HHAT: variants seen among roughly 807,000 people sequenced by gnomAD.
The protein encoded by HHAT is protein-cysteine N-palmitoyltransferase HHAT.
Under a neutral mutation model 70.8 loss-of-function variants are expected in HHAT, and 47 were observed. That is an observed-to-expected ratio of 0.66 (90% CI 0.53 to 0.85). The LOEUF (loss-of-function observed/expected upper bound fraction) is 0.85. Among genes scored for constraint, HHAT ranks in the 40% least tolerant of loss-of-function variants. HHAT has a pLI of 0.00. For synonymous variants in HHAT, 228 were observed against 247.6 expected (o/e 0.92, Z 0.74); for missense variants, 609 against 604.8 (o/e 1.01, Z -0.07).
chr1:210,672,754 AAAG>A (rs1031768502), intron 11 of HHAT, among the ~76,000 whole-genome samples: 26 of 152,242 alleles, frequency 1.7e-4, no homozygotes, highest in African/African-American at 5.5e-4. Flanking sequence ...AATTTTAAAA[AAAG>A]AAGAAAAAGA....
intron 9 of HHAT, among the ~76,000 whole-genome samples, chr1:210,561,229 T>C (rs936575250): frequency 2.0e-5 from 3 of 152,198 alleles, no homozygotes; most frequent in Non-Finnish European, 2.9e-5. Context: ...TTTGGTTTCA[T>C]CATAAAGAGT....
chr1:210,422,151 CAAAT>C (rs1244346255), intron 7 of HHAT, among the ~76,000 whole-genome samples: 1 of 152,090 alleles, frequency 6.6e-6, no homozygotes, highest in Non-Finnish European at 1.5e-5. Context: ...TTTAAATTGA[CAAAT>C]AATAATTGTA....
chr1:210,626,240 C>T (rs1277390339), intron 11 of HHAT, among the ~76,000 whole-genome samples: 1 of 152,150 alleles, frequency 6.6e-6, no homozygotes, highest in East Asian at 1.9e-4. Context: ...GTGTGACTTG[C>T]CTGACATCCT....
intron 9 of HHAT, among the ~76,000 whole-genome samples, chr1:210,544,367 G>GTTTTTTTTTTTTTTTTTTTTTTTTTT (rs569514246): frequency 1.7e-4 from 15 of 90,064 alleles, no homozygotes; most frequent in Non-Finnish European, 1.9e-4. Context: ...TCTTTCTTTC[G>GTTTTTTTTTTTTTTTTTTTTTTTTTT]TTTTTTTTTT....
intron 8 of HHAT, among the ~76,000 whole-genome samples, chr1:210,471,241 C>G (rs553158839): frequency 6.6e-6 from 1 of 152,198 alleles, no homozygotes; most frequent in South Asian, 2.1e-4. Context: ...ACTGTCATCT[C>G]CCTGTTTTTC....
chr1:210,621,539 C>T lies in HHAT; in HGVS notation c.1246-1987C>T, dbSNP rs192543738. ...TACTGCTAGTTGAGTCAGTAATACC[C>T]AGAAAATATCTTCCTCTGCTTTAGA... On this transcript the variant is annotated intron_variant, in intron 10 of 11. Transcript: ENST00000261458. 3.3e-4 allele frequency among the ~76,000 whole-genome samples: 51 copies of T among 152,320 alleles called. No individual in the cohort carries two copies. In the East Asian group the frequency reaches 8.9e-3, roughly 26 times the overall value.
intron 8 of HHAT, among the ~76,000 whole-genome samples, chr1:210,482,111 A>T (rs2094406313): frequency 6.6e-6 from 1 of 152,170 alleles, no homozygotes; most frequent in Non-Finnish European, 1.5e-5. Context: ...GTTTTACAGC[A>T]CTGTACTGTG....
intron 11 of HHAT, among the ~76,000 whole-genome samples, chr1:210,651,359 TAGAA>T (rs928363668): frequency 7.2e-5 from 11 of 152,254 alleles, no homozygotes; most frequent in African/African-American, 2.4e-4. Context: ...ACACAAGTAT[TAGAA>T]AGCTGAAAGA....
At chr1:210,517,779 C>T (rs1237118749) in intron 9 of HHAT, among the ~76,000 whole-genome samples, 1 of 152,120 alleles carries the variant, frequency 6.6e-6, no homozygotes, top group African/African-American at 2.4e-5. Flanking sequence ...AAAAGTATTT[C>T]AAAACATGTT....
intron 9 of HHAT, among the ~76,000 whole-genome samples, chr1:210,569,139 C>T (rs999849859): frequency 3.9e-4 from 60 of 151,926 alleles, no homozygotes; most frequent in Middle Eastern, 6.8e-3. Context: ...TTTGGGAGGC[C>T]GAAGCGGGCA....
At chr1:210,350,221 C>A (rs1344695336) in intron 2 of HHAT, among the ~76,000 whole-genome samples, 3 of 152,154 alleles carry the variant, frequency 2.0e-5, no homozygotes, top group Admixed American at 6.5e-5. Context: ...ATGTTTATAG[C>A]AGCTTTATTC....
chr1:210,653,412 C>T (rs1245170214), intron 11 of HHAT, among the ~76,000 whole-genome samples: 1 of 151,470 alleles, frequency 6.6e-6, no homozygotes, highest in Non-Finnish European at 1.5e-5. Flanking sequence ...CTCCCAGCTA[C>T]TTGGGGGAGA....
Position 210,391,828 on chromosome 1 carries a change from G to A in HHAT, c.273+4247G>A, listed in dbSNP as rs1467204789. On this transcript the variant is annotated intron_variant, in intron 4 of 11. Transcript: ENST00000261458. Reference sequence around the variant, plus strand: ...ACTTAGTAACACATTATATAGTAAAGCCAAAGAGGGGCCTACCCTACAGCC... The same window carrying A: ...ACTTAGTAACACATTATATAGTAAAACCAAAGAGGGGCCTACCCTACAGCC... Among the ~76,000 whole-genome samples the A allele has an allele frequency of 3.3e-5, 5 of 152,176 alleles. No homozygotes were observed. The East Asian group carries it at 7.7e-4, about 23-fold the overall frequency.
At chr1:210,634,239 C>T (rs1038925558) in intron 11 of HHAT, among the ~76,000 whole-genome samples, 4 of 152,160 alleles carry the variant, frequency 2.6e-5, no homozygotes, top group African/African-American at 9.7e-5. Context: ...GCCCAGAGAG[C>T]ACTAGGAAGA....
chr1:210,466,454 T>C (rs1260708383), intron 8 of HHAT, among the ~76,000 whole-genome samples: 1 of 152,226 alleles, frequency 6.6e-6, no homozygotes, highest in African/African-American at 2.4e-5. Context: ...GATTTACTCA[T>C]CAAAGTCACT....
Position 210,401,387 on chromosome 1 carries a change from T to G in HHAT, c.468+725T>G, listed in dbSNP as rs76110568. 2.3e-3 allele frequency among the ~76,000 whole-genome samples: 348 copies of G among 152,328 alleles called. 6 individuals carry two copies. The South Asian group carries it at 0.039, about 17-fold the overall frequency. Reference sequence around the variant, plus strand: ...CCTTGGCCTCCCCAAAGTGCTGGGATTACAGGTATAAGCCATTGTGCCCGG... The same window carrying G: ...CCTTGGCCTCCCCAAAGTGCTGGGAGTACAGGTATAAGCCATTGTGCCCGG... On this transcript the variant is annotated intron_variant, in intron 5 of 11. Transcript: ENST00000261458.
intron 8 of HHAT, among the ~76,000 whole-genome samples, chr1:210,474,896 G>A (rs551828245): frequency 6.6e-6 from 1 of 151,754 alleles, no homozygotes; most frequent in Non-Finnish European, 1.5e-5. Flanking sequence ...TGTCACTAAG[G>A]TTGGAGTGCA....
intron 7 of HHAT, among the ~76,000 whole-genome samples, chr1:210,425,871 C>T (rs1232595442): frequency 2.0e-5 from 3 of 152,040 alleles, no homozygotes; most frequent in Admixed American, 2.0e-4. Context: ...TTTTCTAGTT[C>T]TGTGAAGAAT....
At chr1:210,545,820 C>G (rs150233991) in intron 9 of HHAT, among the ~76,000 whole-genome samples, 6 of 152,138 alleles carry the variant, frequency 3.9e-5, no homozygotes, top group Non-Finnish European at 8.8e-5. Context: ...TTTTATCTCT[C>G]CAGAGCCTCA....
Sources: allele counts gnomAD v4.1 joint callset (sites outside exome capture counted in the v4.1 genomes callset), GRCh38; gene constraint gnomAD v4.1.1; transcripts MANE v1.5; gene names NCBI Gene and HGNC (gene_info 2026-07-23, HGNC 2026-07-21).